The following UACA variants were observed in gnomAD, a reference collection of about 807,000 sequenced individuals.
UACA encodes nuclear membrane binding protein.
Under a neutral mutation model 160.5 loss-of-function variants are expected in UACA, and 112 were observed. That is an observed-to-expected ratio of 0.70 (90% CI 0.60 to 0.82). The LOEUF (loss-of-function observed/expected upper bound fraction) is 0.82. Ranked by LOEUF, UACA falls within the 40% of genes least tolerant of loss-of-function variation. UACA has a pLI of 0.00. For synonymous variants in UACA, 557 were observed against 568.4 expected (o/e 0.98, Z 0.29); for missense variants, 1,574 against 1,614.6 (o/e 0.97, Z 0.43).
At chr15:70,679,936 A>G in intron 9 of UACA, 1 of 192,806 alleles carries the variant, frequency 5.2e-6, no homozygotes, top group Non-Finnish European at 1.0e-5. Flanking sequence ...GATTTATTTT[A>G]ACTAAAGTCA....
rs534345659 is a variant in UACA, at chr15:70,687,664, T to C, written c.496-18A>G. The C allele has an allele frequency of 1.2e-6, 2 of 1,613,522 alleles. No homozygotes were observed. Among genetic ancestry groups the C allele is most frequent in the African/African-American group, 1.3e-5 (1 of 74,998 alleles). On this transcript the variant is annotated intron_variant, in intron 6 of 18. Coordinates refer to ENST00000322954, the MANE Select transcript of UACA (RefSeq NM_018003.4). ...CGCCCGTCCTAAGCAACAGGAAAAA[T>C]AAAACAGCATTAAGACAACAGATCT...
Position 70,667,567 on chromosome 15 carries a change from G to C in UACA, c.3117C>G (p.Thr1039=). The C allele has an allele frequency of 6.2e-7, 1 of 1,612,780 alleles. No individual in the cohort carries two copies. The highest frequency in any genetic ancestry group is 1.3e-5 in the African/African-American group (1 of 74,944). ...TCTTATCTCTCAAATCTTTCTGAAG[G>C]GTAAAAATCTCCTTCTTTAACTTGT... ...ENDKLKKEIF[T]LQKDLRDKTV... is the part of the protein sequence containing the mutation. The change falls in exon 16 of 19, where the codon ACC becomes ACG. Residue 1039 remains threonine, a synonymous_variant. Transcript: ENST00000322954.
chr15:70,696,919 A>G (rs1341465160), intron 2 of UACA, among the ~76,000 whole-genome samples: 1 of 152,224 alleles, frequency 6.6e-6, no homozygotes, highest in Non-Finnish European at 1.5e-5. Flanking sequence ...AATCACAACA[A>G]ATCTACAATG....
intron 1 of UACA, among the ~76,000 whole-genome samples, chr15:70,748,749 TAC>T (rs1367762406): frequency 3.9e-5 from 6 of 152,212 alleles, no homozygotes; most frequent in South Asian, 2.1e-4. Flanking sequence ...CTGTCCTGCA[TAC>T]AGTTTCCTTT....
intron 1 of UACA, chr15:70,702,120 T>C (rs1252930687): frequency 3.7e-5 from 49 of 1,323,074 alleles, no homozygotes; most frequent in Non-Finnish European, 4.5e-5. Flanking sequence ...TCGAATATTA[T>C]CTTCCTTGCA....
rs533502363 is a variant in UACA, at chr15:70,693,646, C to T, written c.301+1371G>A. ...GGTGCAATATATGAAATAATGTCTGCTGAGCTTGGGGAAGCATTTGAGCTT... is the reference window on the plus strand; with the variant it reads ...GGTGCAATATATGAAATAATGTCTGTTGAGCTTGGGGAAGCATTTGAGCTT... On this transcript the variant is annotated intron_variant, in intron 3 of 18. Transcript: ENST00000322954. Among the ~76,000 whole-genome samples the T allele has an allele frequency of 2.0e-5, 3 of 151,948 alleles. No homozygotes were observed. In the South Asian group the frequency reaches 6.2e-4, roughly 31 times the overall value.
At chr15:70,671,212 A>G in intron 14 of UACA, 121 bp from the exon 15 acceptor site, 1 of 603,642 alleles carries the variant, frequency 1.7e-6, no homozygotes, top group East Asian at 3.1e-5. Context: ...GTACAACACA[A>G]AAGTATCCTC....
the UACA span, among the ~76,000 whole-genome samples, chr15:70,774,545 C>CAAAAAAAAAAAAAAAAA: frequency 8.5e-5 from 7 of 82,440 alleles, 1 homozygote; most frequent in African/African-American, 2.9e-4. Context: ...GACTCTGTCT[C>CAAAAAAAAAAAAAAAAA]AAAAAAAAAA....
At chr15:70,727,717 T>C (rs1201007172) in intron 1 of UACA, among the ~76,000 whole-genome samples, 4 of 152,240 alleles carry the variant, frequency 2.6e-5, no homozygotes, top group Admixed American at 6.5e-5. Flanking sequence ...GGCAGTGATG[T>C]TTAATGTATT....
At chr15:70,744,248 CAAAAAAAAAAA>C (rs5813608) in intron 1 of UACA, among the ~76,000 whole-genome samples, 1 of 64,732 alleles carries the variant, frequency 1.5e-5, no homozygotes, top group African/African-American at 4.7e-5. Flanking sequence ...GACTCTGTCT[CAAAAAAAAAAA>C]AAAAAAAAAG....
chr15:70,771,179 A>G, the UACA span, among the ~76,000 whole-genome samples: 1 of 152,240 alleles, frequency 6.6e-6, no homozygotes, highest in Non-Finnish European at 1.5e-5. Flanking sequence ...AAATTTCATT[A>G]CCGTGCTTCC....
At chr15:70,683,804 CTATT>C (rs1040618221) in intron 8 of UACA, among the ~76,000 whole-genome samples, 3 of 151,446 alleles carry the variant, frequency 2.0e-5, no homozygotes, top group African/African-American at 7.3e-5. Flanking sequence ...TAATGAGTGA[CTATT>C]CATTGTGCTT....
chr15:70,774,545 C>CAAAAAAAAAAAAAAAAAAAAAAAAAAAA, the UACA span, among the ~76,000 whole-genome samples: 33 of 82,412 alleles, frequency 4.0e-4, 2 homozygotes, highest in Middle Eastern at 8.3e-3. Context: ...GACTCTGTCT[C>CAAAAAAAAAAAAAAAAAAAAAAAAAAAA]AAAAAAAAAA....
intron 1 of UACA, among the ~76,000 whole-genome samples, chr15:70,743,791 C>T (rs142908606): frequency 6.6e-6 from 1 of 152,186 alleles, no homozygotes; most frequent in Non-Finnish European, 1.5e-5. Flanking sequence ...GGTGCCAAAT[C>T]GTAATGCCTG....
chr15:70,714,387 C>G (rs536004215), intron 1 of UACA, among the ~76,000 whole-genome samples: 11 of 152,342 alleles, frequency 7.2e-5, no homozygotes, highest in African/African-American at 2.4e-4. Flanking sequence ...ACCCCTGACT[C>G]TCTTCTCTTT....
intron 18 of UACA, among the ~76,000 whole-genome samples, 195 bp downstream of exon 18, chr15:70,659,953 ATGT>A (rs1896643261): frequency 6.6e-6 from 1 of 152,120 alleles, no homozygotes; most frequent in African/African-American, 2.4e-5. Context: ...TAAATTTAAG[ATGT>A]TGTGTTGCCA....
chr15:70,711,724 T>C (rs1051174013), intron 1 of UACA, among the ~76,000 whole-genome samples: 7 of 152,062 alleles, frequency 4.6e-5, no homozygotes, highest in African/African-American at 1.7e-4. Context: ...CAAAGTATAA[T>C]AAGGCAGACA....
chr15:70,711,763 T>G (rs1898688415), intron 1 of UACA, among the ~76,000 whole-genome samples: 1 of 152,000 alleles, frequency 6.6e-6, no homozygotes, highest in Admixed American at 6.6e-5. Flanking sequence ...CACAAAACAA[T>G]TACAGTATAC....
chr15:70,717,223 AAAAC>A (rs780585571), intron 1 of UACA, among the ~76,000 whole-genome samples: 6 of 152,350 alleles, frequency 3.9e-5, no homozygotes, highest in East Asian at 1.9e-4. Flanking sequence ...CTCTGTCTAA[AAAAC>A]AAACAAACAA....
Sources: gnomAD v4.1 joint callset for allele counts (sites outside exome capture counted in the v4.1 genomes callset) on GRCh38, gnomAD v4.1.1 for gene constraint, MANE v1.5 for transcripts, NCBI Gene and HGNC (gene_info 2026-07-23, HGNC 2026-07-21) for gene names.